CACNA1C: variants seen among roughly 807,000 people sequenced by gnomAD.
CACNA1C encodes voltage-dependent L-type calcium channel subunit alpha-1C.
Under a neutral mutation model 229.0 loss-of-function variants are expected in CACNA1C, and 30 were observed. The observed-to-expected ratio is 0.13, with a 90% CI of 0.10 to 0.18. The LOEUF is 0.18. Ranked by LOEUF, CACNA1C falls within the 10% of genes least tolerant of loss-of-function variation. CACNA1C has a pLI of 1.00. For synonymous variants in CACNA1C, 1,114 were observed against 1,132.5 expected (o/e 0.98, Z 0.33); for missense variants, 1,658 against 2,845.0 (o/e 0.58, Z 9.49).
rs573025796 is a variant in CACNA1C at position 2,373,387 on chromosome 12, G to A, written c.478-75589G>A. Among the ~76,000 whole-genome samples, 72 of 152,270 alleles carry A rather than the reference G, an allele frequency of 4.7e-4. 1 individual carries two copies. Among genetic ancestry groups the A allele is most frequent in the African/African-American group, 1.7e-3 (69 of 41,554 alleles). On this transcript the variant is annotated intron_variant, in intron 3 of 46. Transcript: ENST00000399655. ...AGATAATAAGTAAAGAAAATGTCAGGAACATGAATATACAATGGGGAGTTT... is the reference window on the plus strand; with the variant it reads ...AGATAATAAGTAAAGAAAATGTCAGAAACATGAATATACAATGGGGAGTTT...
chr12:2,452,655 C>T (rs940470052), intron 4 of CACNA1C, among the ~76,000 whole-genome samples: 1 of 152,202 alleles, frequency 6.6e-6, no homozygotes, highest in Non-Finnish European at 1.5e-5. Context: ...GCCACTCCTA[C>T]ACCCATGTTT....
In CACNA1C at chr12:2,632,149, A is replaced by G. The variant is rs553211935; in HGVS notation, c.3829-2148A>G. 1.3e-5 allele frequency among the ~76,000 whole-genome samples: 2 copies of G among 152,190 alleles called. No homozygotes were observed. Among genetic ancestry groups the G allele is most frequent in the South Asian group, 4.2e-4 (2 of 4,794 alleles). ...AGGCAAATACTGGTCCCACTGAAAA[A>G]ATGTGGCCAGCCCTGTCTTGTCCCC... On this transcript the variant is annotated intron_variant, in intron 29 of 46. Coordinates refer to ENST00000399655, the MANE Select transcript of CACNA1C (RefSeq NM_000719.7). The surrounding 1 kb of genome is among the most constrained non-coding windows in gnomAD (Gnocchi z 4.1).
At chr12:2,554,203 G>A (rs527985834) in intron 10 of CACNA1C, among the ~76,000 whole-genome samples, 11 of 152,104 alleles carry the variant, frequency 7.2e-5, no homozygotes, top group Non-Finnish European at 1.6e-4. Flanking sequence ...AGGAGTTTGG[G>A]GTTTGTCTCT....
At chr12:2,208,027 G>A (rs758871180) in intron 3 of CACNA1C, among the ~76,000 whole-genome samples, 4 of 152,180 alleles carry the variant, frequency 2.6e-5, no homozygotes, top group Non-Finnish European at 5.9e-5. Flanking sequence ...AAGGAGGTAC[G>A]CAGCCAAATT....
chr12:2,589,108 A>G (rs1263803870), intron 18 of CACNA1C, among the ~76,000 whole-genome samples: 1 of 152,176 alleles, frequency 6.6e-6, no homozygotes, highest in African/African-American at 2.4e-5. Context: ...CCTTGTAGAT[A>G]TTCATGAACT....
At chr12:2,044,815 C>T (rs886072494) in intron 1 of CACNA1C, among the ~76,000 whole-genome samples, 7 of 152,184 alleles carry the variant, frequency 4.6e-5, no homozygotes, top group Non-Finnish European at 7.3e-5. Flanking sequence ...CTGTGTAAGA[C>T]TAGGAACCAG....
rs143233235 is a variant in CACNA1C, at chr12:2,440,531, G to C, written c.478-8445G>C. Among the ~76,000 whole-genome samples, 94 of 152,318 alleles carry C rather than the reference G, an allele frequency of 6.2e-4. 1 individual carries two copies. Among genetic ancestry groups the C allele is most frequent in the African/African-American group, 2.2e-3 (90 of 41,572 alleles). The stretch of plus-strand genomic sequence containing the variant: ...TCTTCATGGCTGAATCTCAGGCATA[G>C]GTGGAGATCCCAGGAGGAGGAGGCC... On this transcript the variant is annotated intron_variant, in intron 3 of 46. Coordinates refer to ENST00000399655, the MANE Select transcript of CACNA1C (RefSeq NM_000719.7).
In CACNA1C at chr12:2,280,013, G is replaced by A. The variant is rs117362434; in HGVS notation, c.477+159583G>A. The stretch of plus-strand genomic sequence containing the variant: ...GTTCCTTTACTCTTAACCTATTTGT[G>A]TCTTTATATTTACAGTGGATTTCTC... On this transcript the variant is annotated intron_variant, in intron 3 of 46. Coordinates refer to ENST00000399655, the MANE Select transcript of CACNA1C (RefSeq NM_000719.7). Among the ~76,000 whole-genome samples, 183 of 152,300 alleles carry A rather than the reference G, an allele frequency of 1.2e-3. 4 individuals are homozygous for A. The East Asian group carries it at 0.021, about 17-fold the overall frequency.
intron 3 of CACNA1C, among the ~76,000 whole-genome samples, chr12:2,437,531 T>C (rs1029438010): frequency 6.6e-6 from 1 of 152,258 alleles, no homozygotes; most frequent in South Asian, 2.1e-4. Context: ...TGCTCATCTC[T>C]ATATTGGAGA....
chr12:2,383,977 C>T (rs921877336), intron 3 of CACNA1C, among the ~76,000 whole-genome samples: 4 of 152,226 alleles, frequency 2.6e-5, no homozygotes, highest in Admixed American at 6.5e-5. Context: ...AATCACAGAT[C>T]CTCCGGGTGC....
At chr12:2,023,780 T>TA in intron 1 of CACNA1C, among the ~76,000 whole-genome samples, 1 of 152,002 alleles carries the variant, frequency 6.6e-6, no homozygotes, top group Admixed American at 6.5e-5. Flanking sequence ...CAATGAAAAA[T>TA]AAAAAGGACA....
chr12:2,084,003 A>C (rs564791383), intron 1 of CACNA1C, among the ~76,000 whole-genome samples: 3 of 152,352 alleles, frequency 2.0e-5, no homozygotes, highest in African/African-American at 7.2e-5. Context: ...ATAAAATTAA[A>C]TTATTCTATA....
At chr12:2,144,535 AG>A (rs1487669477) in intron 3 of CACNA1C, among the ~76,000 whole-genome samples, 1 of 151,328 alleles carries the variant, frequency 6.6e-6, no homozygotes, top group Admixed American at 6.6e-5. Flanking sequence ...CTTCTATCTA[AG>A]GGAGACAGGT....
chr12:2,538,469 C>T (rs1194888704), intron 9 of CACNA1C, among the ~76,000 whole-genome samples: 2 of 152,138 alleles, frequency 1.3e-5, no homozygotes, highest in African/African-American at 4.8e-5. Flanking sequence ...TTCTCTCATC[C>T]ACTCTTTCCT....
chr12:2,275,983 T>G lies in CACNA1C; in HGVS notation c.477+155553T>G, dbSNP rs899543565. 6.6e-6 allele frequency among the ~76,000 whole-genome samples: 1 copy of G among 152,228 alleles called. No homozygotes were observed. The highest frequency in any genetic ancestry group is 1.5e-5 in the Non-Finnish European group (1 of 68,040). On this transcript the variant is annotated intron_variant, in intron 3 of 46. Transcript: ENST00000399655. The surrounding 1 kb of genome is among the most constrained non-coding windows in gnomAD (Gnocchi z 4.1). The stretch of plus-strand genomic sequence containing the variant: ...GATACAAAACCCAAGGATGCCCATG[T>G]CCTTTTATGTATGTAGATTATATGC...
intron 1 of CACNA1C, among the ~76,000 whole-genome samples, chr12:2,069,646 C>T (rs1177587179): frequency 6.6e-6 from 1 of 152,212 alleles, no homozygotes; most frequent in Non-Finnish European, 1.5e-5. Context: ...TGCATCTGAC[C>T]TTCCTACCAT....
intron 3 of CACNA1C, among the ~76,000 whole-genome samples, chr12:2,241,331 C>A (rs575588284): frequency 6.6e-6 from 1 of 152,250 alleles, no homozygotes; most frequent in South Asian, 2.1e-4. Context: ...GCCAAGGATC[C>A]TGTAATTTGC....
chr12:2,139,949 G>A lies in CACNA1C; in HGVS notation c.477+19519G>A, dbSNP rs535636402. Among the ~76,000 whole-genome samples the A allele has an allele frequency of 7.3e-5, 11 of 151,168 alleles. No homozygotes were observed. The South Asian group carries it at 2.3e-3, about 32-fold the overall frequency. On this transcript the variant is annotated intron_variant, in intron 3 of 46. Transcript: ENST00000399655. Reference sequence around the variant, plus strand: ...CCTCCTCCCTGGCTCTCAGGGTGCTGTGAATCAGGTTTGGCAGGGGTCTCA... The same window carrying A: ...CCTCCTCCCTGGCTCTCAGGGTGCTATGAATCAGGTTTGGCAGGGGTCTCA...
intron 3 of CACNA1C, among the ~76,000 whole-genome samples, chr12:2,271,533 G>A (rs890891052): frequency 8.5e-5 from 13 of 152,162 alleles, no homozygotes; most frequent in Admixed American, 7.2e-4. Flanking sequence ...TTAGTTCCTC[G>A]ATACCCTAAT....
Sources: gnomAD v4.1 joint callset for allele counts (sites outside exome capture counted in the v4.1 genomes callset) on GRCh38, gnomAD v4.1.1 for gene constraint, Gnocchi (gnomAD v3.1) non-coding constraint, MANE v1.5 for transcripts, NCBI Gene and HGNC (gene_info 2026-07-23, HGNC 2026-07-21) for gene names.